SLC25A21: variants seen among roughly 807,000 people sequenced by gnomAD.
The protein encoded by SLC25A21 is mitochondrial 2-oxodicarboxylate carrier.
Under a neutral mutation model 43.8 loss-of-function variants are expected in SLC25A21, and 47 were observed. That is an observed-to-expected ratio of 1.07 (90% confidence interval 0.85 to 1.37). SLC25A21 has a LOEUF of 1.37. Ranked by LOEUF, SLC25A21 falls within the 40% of genes most tolerant of loss-of-function variation. SLC25A21 has a pLI of 0.00. For synonymous variants in SLC25A21, 131 were observed against 121.3 expected, an observed-to-expected ratio of 1.08 and a Z score of -0.52; for missense variants, 352 against 350.2, an observed-to-expected ratio of 1.00 and a Z score of -0.04.
chr14:36,712,400 A>G (rs980330008), intron 6 of SLC25A21, among the ~76,000 whole-genome samples: 23 of 151,054 alleles, frequency 1.5e-4, no homozygotes, highest in Admixed American at 1.3e-3. Flanking sequence ...CATTTGTTTG[A>G]TATTTCACTA....
At chr14:37,151,949 C>T (rs557103702) in intron 1 of SLC25A21, among the ~76,000 whole-genome samples, 2 of 152,136 alleles carry the variant, frequency 1.3e-5, no homozygotes, top group Non-Finnish European at 2.9e-5. Context: ...GCAAGAGAGA[C>T]GCTTGAACCC....
chr14:36,985,392 T>A (rs903774923), intron 1 of SLC25A21, among the ~76,000 whole-genome samples: 2 of 151,472 alleles, frequency 1.3e-5, no homozygotes, highest in African/African-American at 2.4e-5. Flanking sequence ...TGGTTAAAAA[T>A]AATAATAATA....
In SLC25A21 at chr14:37,147,921, A is replaced by C. The variant is rs568659055; in HGVS notation, c.70+24360T>G. Among the ~76,000 whole-genome samples, 12 of 142,294 alleles carry C rather than the reference A, an allele frequency of 8.4e-5. No homozygotes were observed. In the East Asian group the frequency reaches 2.5e-3, roughly 30 times the overall value. The allele number at this position is 142,294 out of a possible 152,430, so 93.4% of individuals were successfully genotyped here. ...CAGTGATGTGATCTCAGTTCACTGC[A>C]ACCTCCGCCTCCCGGGTACAATTCT... On this transcript the variant is annotated intron_variant, in intron 1 of 9. Coordinates refer to ENST00000331299, the MANE Select transcript of SLC25A21 (RefSeq NM_030631.4).
intron 1 of SLC25A21, among the ~76,000 whole-genome samples, chr14:37,009,734 G>A (rs1960688732): frequency 6.6e-6 from 1 of 152,096 alleles, no homozygotes; most frequent in South Asian, 2.1e-4. Context: ...AATGCCCAGT[G>A]GATGCTACAG....
chr14:36,867,131 C>G (rs1890235276), intron 2 of SLC25A21, among the ~76,000 whole-genome samples: 1 of 152,142 alleles, frequency 6.6e-6, no homozygotes, highest in Non-Finnish European at 1.5e-5. Flanking sequence ...CCACCCACCT[C>G]TGCTCGAGGT....
chr14:36,804,210 C>A (rs1887961665), intron 3 of SLC25A21, among the ~76,000 whole-genome samples: 1 of 152,186 alleles, frequency 6.6e-6, no homozygotes, highest in Non-Finnish European at 1.5e-5. Context: ...TGTCAGCAGT[C>A]ATGCCATCCC....
chr14:36,693,617 A>G (rs1209530166), intron 7 of SLC25A21, among the ~76,000 whole-genome samples: 1 of 152,126 alleles, frequency 6.6e-6, no homozygotes, highest in Non-Finnish European at 1.5e-5. Context: ...TACATATCAC[A>G]TATCTAGTTT....
chr14:36,953,830 T>A (rs1431551886), intron 1 of SLC25A21, among the ~76,000 whole-genome samples: 2 of 152,204 alleles, frequency 1.3e-5, no homozygotes, highest in Non-Finnish European at 2.9e-5. Context: ...CTCTTGTGGT[T>A]AAGAAATATT....
chr14:36,707,958 T>C (rs906590557), intron 7 of SLC25A21, among the ~76,000 whole-genome samples: 1 of 152,136 alleles, frequency 6.6e-6, no homozygotes. Flanking sequence ...GATCCCAATT[T>C]CTACAGAAAA....
At chr14:37,123,074 C>T (rs911241064) in intron 1 of SLC25A21, among the ~76,000 whole-genome samples, 8 of 152,094 alleles carry the variant, frequency 5.3e-5, no homozygotes, top group South Asian at 4.1e-4. Context: ...ATTAATATTA[C>T]GAATGAGAAG....
chr14:36,935,563 C>A (rs1413343787), intron 1 of SLC25A21, among the ~76,000 whole-genome samples: 3 of 152,192 alleles, frequency 2.0e-5, no homozygotes, highest in Non-Finnish European at 4.4e-5. Context: ...AGCGGATCCA[C>A]ATGATCTCCT....
At chr14:36,956,865 C>G (rs1219374020) in intron 1 of SLC25A21, among the ~76,000 whole-genome samples, 2 of 152,144 alleles carry the variant, frequency 1.3e-5, no homozygotes, top group African/African-American at 4.8e-5. Context: ...TACATCATGT[C>G]ATGTGGATTG....
At chr14:37,125,132 T>C (rs1963275497) in intron 1 of SLC25A21, among the ~76,000 whole-genome samples, 1 of 152,224 alleles carries the variant, frequency 6.6e-6, no homozygotes, top group Admixed American at 6.5e-5. Flanking sequence ...GTCCTGGTTA[T>C]GCTACTAAAA....
intron 1 of SLC25A21, among the ~76,000 whole-genome samples, chr14:37,142,439 C>A (rs780426293): frequency 6.6e-6 from 1 of 152,204 alleles, no homozygotes; most frequent in Non-Finnish European, 1.5e-5. Context: ...CAGCTCACTG[C>A]GGCCTCAGCT....
intron 4 of SLC25A21, among the ~76,000 whole-genome samples, chr14:36,732,675 A>G (rs1884877604): frequency 1.3e-5 from 2 of 152,078 alleles, no homozygotes; most frequent in African/African-American, 2.4e-5. Context: ...CAGTCTCTGA[A>G]TATTTTTTTT....
At chr14:36,708,900 C>A (rs1883702730) in intron 7 of SLC25A21, among the ~76,000 whole-genome samples, 1 of 150,784 alleles carries the variant, frequency 6.6e-6, no homozygotes, top group African/African-American at 2.4e-5. Flanking sequence ...TTTTTTTAAA[C>A]AATTGAGAAC....
At chr14:37,119,346 C>T (rs1017608621) in intron 1 of SLC25A21, among the ~76,000 whole-genome samples, 1 of 152,024 alleles carries the variant, frequency 6.6e-6, no homozygotes, top group Non-Finnish European at 1.5e-5. Flanking sequence ...GTCAGGCATT[C>T]GAGACCAGCC....
At chr14:36,867,009 T>G (rs141183922) in intron 2 of SLC25A21, among the ~76,000 whole-genome samples, 1,623 of 152,294 alleles carry the variant, frequency 0.011, 24 homozygotes, top group Middle Eastern at 0.031. Flanking sequence ...GTGTGGTGCA[T>G]TTTGTTTCAA....
intron 6 of SLC25A21, among the ~76,000 whole-genome samples, chr14:36,712,778 A>T (rs912945758): frequency 6.6e-6 from 1 of 152,188 alleles, no homozygotes; most frequent in African/African-American, 2.4e-5. Flanking sequence ...AAGACATATC[A>T]TACAGGAAAA....
Sources: allele counts gnomAD v4.1 joint callset (sites outside exome capture counted in the v4.1 genomes callset), GRCh38; gene constraint gnomAD v4.1.1; transcripts MANE v1.5; gene names NCBI Gene and HGNC (gene_info 2026-07-23, HGNC 2026-07-21).